The following NIN variants were observed in gnomAD, a reference collection of about 807,000 sequenced individuals.
The protein encoded by NIN is ninein.
In NIN, 137 loss-of-function variants were observed where a neutral mutation model predicts 257.6. That is an observed-to-expected ratio of 0.53 (90% CI 0.46 to 0.61). The LOEUF is 0.61. NIN is among the 20% of genes least tolerant of loss of function. The pLI is 0.00. For synonymous variants in NIN, 918 were observed against 919.8 expected (o/e 1.00, Z 0.04); for missense variants, 2,439 against 2,501.2 (o/e 0.98, Z 0.53).
At position 50,792,707 on chromosome 14, in the gene NIN, C is replaced by G; in HGVS notation, c.435+5G>C. On this transcript the variant is annotated splice_donor_5th_base_variant and intron_variant, in intron 5 of 30. Coordinates refer to ENST00000530997, the MANE Select transcript of NIN (RefSeq NM_020921.4). ...CCAGATGAACGTGCATGCCCGATTC[C>G]TTACCTCACTGCAGTCACCGGCTGG... 1 of 1,614,146 alleles carries G rather than the reference C, an allele frequency of 6.2e-7. No individual in the cohort carries two copies. The highest frequency in any genetic ancestry group is 8.5e-7 in the Non-Finnish European group (1 of 1,180,016).
intron 4 of NIN, among the ~76,000 whole-genome samples, chr14:50,800,224 T>G (rs1186781245): frequency 6.6e-6 from 1 of 152,232 alleles, no homozygotes; most frequent in Non-Finnish European, 1.5e-5. Flanking sequence ...AGTCATTGTT[T>G]ACATAGATAG....
At chr14:50,747,958 T>C in intron 22 of NIN, 34 bp downstream of exon 22, 1 of 1,412,112 alleles carries the variant, frequency 7.1e-7, no homozygotes, top group Non-Finnish European at 1.0e-6. Flanking sequence ...TACATATTGT[T>C]CTGTGAACCC....
At chr14:50,826,671 G>T (rs1398928270) in intron 2 of NIN, among the ~76,000 whole-genome samples, 1 of 152,198 alleles carries the variant, frequency 6.6e-6, no homozygotes, top group Admixed American at 6.5e-5. Context: ...AGCTAAAGGG[G>T]ACGTCTGTTC....
At chr14:50,734,540 G>A (rs1230701473) in intron 28 of NIN, among the ~76,000 whole-genome samples, 1 of 152,058 alleles carries the variant, frequency 6.6e-6, no homozygotes, top group East Asian at 1.9e-4. Flanking sequence ...ATTTACCCAA[G>A]GTATATCAAT....
intron 30 of NIN, chr14:50,724,314 T>A (rs930471074): frequency 4.8e-6 from 1 of 208,798 alleles, no homozygotes; most frequent in Non-Finnish European, 9.8e-6. Context: ...CCCCTTCCCA[T>A]GTTACAAGTG....
At position 50,724,266 on chromosome 14, in the gene NIN, G is replaced by T. The variant is rs187293157; in HGVS notation, c.6193-594C>A. 3 of 208,826 alleles carry T rather than the reference G, an allele frequency of 1.4e-5. No homozygotes were observed. The Admixed American group carries it at 1.8e-4, about 12-fold the overall frequency. 12.9% of individuals were successfully genotyped at this position (208,826 alleles called of 1,614,324 possible). A position where few individuals can be genotyped will look rare whatever the true frequency, so the allele number is the denominator to read the frequency against. On this transcript the variant is annotated intron_variant, in intron 30 of 30. Coordinates refer to ENST00000530997, the MANE Select transcript of NIN (RefSeq NM_020921.4). ...TGGGAAAACTTGTTAGCAGCCTTGG[G>T]ATACTTTCATTGTTGTTCTGGTTAA...
chr14:50,805,413 G>GGA (rs1037964869), intron 4 of NIN, among the ~76,000 whole-genome samples: 3 of 152,146 alleles, frequency 2.0e-5, no homozygotes, highest in African/African-American at 7.2e-5. Flanking sequence ...GCTCACTGGG[G>GGA]GCTTCCAAAG....
At chr14:50,819,164 A>G (rs996091809) in intron 3 of NIN, among the ~76,000 whole-genome samples, 2 of 152,238 alleles carry the variant, frequency 1.3e-5, no homozygotes, top group Non-Finnish European at 2.9e-5. Context: ...CTAAGATTTA[A>G]AAGACAAAAT....
chr14:50,813,508 G>A (rs1443426984), intron 3 of NIN, among the ~76,000 whole-genome samples: 1 of 152,150 alleles, frequency 6.6e-6, no homozygotes, highest in Non-Finnish European at 1.5e-5. Flanking sequence ...CACCTCTTAG[G>A]AGAAATTTAC....
chr14:50,811,718 G>C (rs941095416), intron 3 of NIN, among the ~76,000 whole-genome samples: 15 of 151,688 alleles, frequency 9.9e-5, no homozygotes, highest in Non-Finnish European at 2.1e-4. Flanking sequence ...TTAGCAACAC[G>C]GTGAAATCCC....
chr14:50,824,711 G>A (rs2045383300), intron 2 of NIN, among the ~76,000 whole-genome samples: 1 of 152,146 alleles, frequency 6.6e-6, no homozygotes, highest in Admixed American at 6.5e-5. Context: ...TAAATATCAT[G>A]GATTGACTTC....
At chr14:50,759,307 G>T (rs2042170609) in intron 17 of NIN, among the ~76,000 whole-genome samples, 1 of 152,146 alleles carries the variant, frequency 6.6e-6, no homozygotes, top group African/African-American at 2.4e-5. Context: ...TTATAAGGTA[G>T]AATAAATCTT....
At chr14:50,741,795 G>A (rs1043594375) in intron 24 of NIN, 67 bp from the exon 25 acceptor site, 1 of 1,529,598 alleles carries the variant, frequency 6.5e-7, no homozygotes, top group Non-Finnish European at 8.8e-7. Context: ...GCATGTTCAG[G>A]AATGAATAAG....
rs557092567 is a variant in NIN at position 50,786,719 on chromosome 14, G to C, written c.435+5993C>G. Reference sequence around the variant, plus strand: ...CAATAAAACTGTTTGCTTTGTCAAAGACTGGAACAGAAAATTTAACAAGGG... The same window carrying C: ...CAATAAAACTGTTTGCTTTGTCAAACACTGGAACAGAAAATTTAACAAGGG... On this transcript the variant is annotated intron_variant, in intron 5 of 30. Transcript: ENST00000530997. Among the ~76,000 whole-genome samples the C allele has an allele frequency of 2.0e-5, 3 of 152,090 alleles. No individual in the cohort carries two copies. The South Asian group carries it at 6.2e-4, about 32-fold the overall frequency.
chr14:50,746,465 A>G (rs921576190), intron 22 of NIN, among the ~76,000 whole-genome samples: 2 of 152,192 alleles, frequency 1.3e-5, no homozygotes, highest in Non-Finnish European at 2.9e-5. Flanking sequence ...AGACACACAT[A>G]CCCTGAGGGT....
chr14:50,756,439 A>G (rs1008946211), intron 18 of NIN, 53 bp downstream of exon 18: 2 of 1,526,552 alleles, frequency 1.3e-6, no homozygotes, highest in Non-Finnish European at 1.7e-6. Flanking sequence ...TGGAAGTTAG[A>G]TCTGGTGAGG....
intron 3 of NIN, among the ~76,000 whole-genome samples, chr14:50,807,544 C>T (rs1427738839): frequency 6.6e-5 from 10 of 152,144 alleles, no homozygotes; most frequent in Non-Finnish European, 1.3e-4. Context: ...TGTATGTAAT[C>T]TCACCTTGGG....
rs767020882 is a variant in NIN at position 50,722,930 on chromosome 14, G to T, written c.*533C>A. 1.4e-5 allele frequency: 3 copies of T among 213,576 alleles called. No individual in the cohort carries two copies. The highest frequency in any genetic ancestry group is 7.1e-5 in the East Asian group (1 of 14,180). 13.2% of individuals were successfully genotyped at this position (213,576 alleles called of 1,614,324 possible). A position where few individuals can be genotyped will look rare whatever the true frequency, so the allele number is the denominator to read the frequency against. ...AGATTTGGGTTTGTCTGATGTCAGC[G>T]GTTAATAACCACTTAATAAGCCCTG... On this transcript the variant is annotated 3_prime_UTR_variant, in exon 31 of 31. Coordinates refer to ENST00000530997, the MANE Select transcript of NIN (RefSeq NM_020921.4).
Position 50,748,070 on chromosome 14 carries a change from G to A in NIN, c.4986C>T (p.Leu1662=). The A allele has an allele frequency of 6.2e-7, 1 of 1,613,934 alleles. No individual in the cohort carries two copies. Among genetic ancestry groups the A allele is most frequent in the Non-Finnish European group, 8.5e-7 (1 of 1,179,840 alleles). ...TATGGGTCTGTATTTTAACTTCAGAGAGCTCCGCCTCCAGAGAAGACACTA... is the reference window on the plus strand; with the variant it reads ...TATGGGTCTGTATTTTAACTTCAGAAAGCTCCGCCTCCAGAGAAGACACTA... ...STLVSSLEAE[L]SEVKIQTHIV... Residue 1662 remains leucine, a synonymous_variant, in exon 22 of 31, where the codon CTC becomes CTT. Coordinates refer to ENST00000530997, the MANE Select transcript of NIN (RefSeq NM_020921.4).
Sources: gnomAD v4.1 joint callset for allele counts (sites outside exome capture counted in the v4.1 genomes callset) on GRCh38, gnomAD v4.1.1 for gene constraint, MANE v1.5 for transcripts, NCBI Gene and HGNC (gene_info 2026-07-23, HGNC 2026-07-21) for gene names.